CACNB2: variants seen among roughly 807,000 people sequenced by gnomAD.
CACNB2 encodes calcium voltage-gated channel auxiliary subunit beta 2.
CACNB2 carries 42 observed loss-of-function variants against 73.3 expected under a neutral mutation model. That is an observed-to-expected ratio of 0.57 (90% CI 0.45 to 0.74). CACNB2 has a LOEUF of 0.74. Among genes scored for constraint, CACNB2 ranks in the 30% least tolerant of loss-of-function variants. The pLI, the probability that CACNB2 is intolerant of heterozygous loss-of-function variation, is 0.00. For missense variants in CACNB2, 940 were observed against 853.0 expected (o/e 1.10, Z -1.27); for synonymous variants, 348 against 310.3 (o/e 1.12, Z -1.28).
At chr10:18,255,325 G>T (rs7923996) in intron 2 of CACNB2, among the ~76,000 whole-genome samples, 110,247 of 151,950 alleles carry the variant, frequency 0.73, 40,305 homozygotes, top group East Asian at 0.96. Context: ...TGCCTTTAGT[G>T]AACTCCTTCC....
intron 2 of CACNB2, among the ~76,000 whole-genome samples, chr10:18,295,073 A>G (rs1175798387): frequency 6.6e-6 from 1 of 152,194 alleles, no homozygotes; most frequent in Admixed American, 6.5e-5. Context: ...ACCGATATTG[A>G]GGCAGTTTTA....
intron 2 of CACNB2, among the ~76,000 whole-genome samples, chr10:18,365,913 A>T (rs115766391): frequency 3.9e-5 from 6 of 152,212 alleles, no homozygotes; most frequent in Non-Finnish European, 7.4e-5. Context: ...GAATCTGTCA[A>T]TTTGGCCTGT....
chr10:18,536,822 G>A (rs1351300004), intron 12 of CACNB2, among the ~76,000 whole-genome samples: 1 of 152,150 alleles, frequency 6.6e-6, no homozygotes, highest in African/African-American at 2.4e-5. Context: ...TTTGGAGTTG[G>A]TATATTATTC....
At chr10:18,261,009 A>G (rs2037511022) in intron 2 of CACNB2, 17 of 1,400,074 alleles carry the variant, frequency 1.2e-5, no homozygotes, top group Non-Finnish European at 1.6e-5. Context: ...ATTTTTGCAA[A>G]TAGGAAACCC....
At chr10:18,240,303 A>G (rs1387179145) in intron 2 of CACNB2, among the ~76,000 whole-genome samples, 4 of 152,168 alleles carry the variant, frequency 2.6e-5, no homozygotes, top group African/African-American at 9.7e-5. Flanking sequence ...TCAAATCGCT[A>G]AACATCTTTT....
At chr10:18,395,620 T>G (rs562390034) in intron 2 of CACNB2, among the ~76,000 whole-genome samples, 1 of 152,322 alleles carries the variant, frequency 6.6e-6, no homozygotes, top group African/African-American at 2.4e-5. Flanking sequence ...ATTTAATCTC[T>G]TCATTAGTAC....
chr10:18,373,706 A>T (rs535610119), intron 2 of CACNB2, among the ~76,000 whole-genome samples: 113 of 152,214 alleles, frequency 7.4e-4, no homozygotes, highest in African/African-American at 2.7e-3. Context: ...GTTCCTTCAG[A>T]TTTTTCATTA....
chr10:18,216,061 C>T (rs981384628), intron 2 of CACNB2, among the ~76,000 whole-genome samples: 2 of 151,702 alleles, frequency 1.3e-5, no homozygotes. Flanking sequence ...TTTGAGAGGC[C>T]GAGGCGGGTG....
rs140501194 is a variant in CACNB2 at position 18,502,792 on chromosome 10, A to G, written c.593+1844A>G. Reference sequence around the variant, plus strand: ...ATACACCAGGAAGGGAACATAAGACACTGGGGACTACTTGAGGGTGGAGGA... The same window carrying G: ...ATACACCAGGAAGGGAACATAAGACGCTGGGGACTACTTGAGGGTGGAGGA... On this transcript the variant is annotated intron_variant, in intron 5 of 13. Transcript: ENST00000324631. Among the ~76,000 whole-genome samples, 1,394 of 150,974 alleles carry G rather than the reference A, an allele frequency of 9.2e-3. 15 individuals are homozygous for G. Among genetic ancestry groups the G allele is most frequent in the African/African-American group, 0.027 (1,124 of 41,126 alleles).
chr10:18,293,346 G>T (rs764687912), intron 2 of CACNB2, among the ~76,000 whole-genome samples: 1 of 152,142 alleles, frequency 6.6e-6, no homozygotes, highest in African/African-American at 2.4e-5. Context: ...CTCCTTATAC[G>T]GATGGGTCCA....
At chr10:18,287,044 A>ATAGGCCAGG (rs1343162196) in intron 2 of CACNB2, among the ~76,000 whole-genome samples, 10 of 152,164 alleles carry the variant, frequency 6.6e-5, no homozygotes, top group Non-Finnish European at 4.4e-5. Flanking sequence ...AAATCAAGCC[A>ATAGGCCAGG]TAGGCCAGGT....
At chr10:18,327,292 A>T (rs2040623502) in intron 2 of CACNB2, among the ~76,000 whole-genome samples, 1 of 152,236 alleles carries the variant, frequency 6.6e-6, no homozygotes, top group African/African-American at 2.4e-5. Flanking sequence ...TTATATTTTC[A>T]TAATAAAAAT....
At chr10:18,501,643 T>A (rs896860563) in intron 5 of CACNB2, among the ~76,000 whole-genome samples, 36 of 152,248 alleles carry the variant, frequency 2.4e-4, no homozygotes, top group Admixed American at 2.4e-3. Context: ...AGCATGCCTC[T>A]CCCAATGTGA....
At chr10:18,180,186 C>G (rs1268458731) in intron 2 of CACNB2, among the ~76,000 whole-genome samples, 1 of 152,116 alleles carries the variant, frequency 6.6e-6, no homozygotes, top group Non-Finnish European at 1.5e-5. Context: ...GAGGAATGAT[C>G]TTATATTTTG....
At chr10:18,440,643 A>G (rs1285136605) in intron 3 of CACNB2, among the ~76,000 whole-genome samples, 1 of 150,546 alleles carries the variant, frequency 6.6e-6, no homozygotes, top group African/African-American at 2.4e-5. Context: ...CCTATCCCCC[A>G]CCCCCCAGAG....
chr10:18,398,692 T>TACAC (rs200052800), intron 2 of CACNB2, among the ~76,000 whole-genome samples: 7 of 57,068 alleles, frequency 1.2e-4, no homozygotes, highest in Admixed American at 4.5e-4. Context: ...CACACACACA[T>TACAC]ACACACACAC....
intron 2 of CACNB2, among the ~76,000 whole-genome samples, chr10:18,267,332 G>A (rs1303286157): frequency 6.6e-6 from 1 of 152,172 alleles, no homozygotes; most frequent in Non-Finnish European, 1.5e-5. Flanking sequence ...GGGGCTGGGT[G>A]TGGTGGCTCG....
At chr10:18,327,502 G>A (rs1259225386) in intron 2 of CACNB2, among the ~76,000 whole-genome samples, 1 of 152,126 alleles carries the variant, frequency 6.6e-6, no homozygotes, top group African/African-American at 2.4e-5. Flanking sequence ...TCGGCTCACT[G>A]CAACCTCCAC....
At chr10:18,217,392 G>T (rs2035555346) in intron 2 of CACNB2, among the ~76,000 whole-genome samples, 1 of 152,112 alleles carries the variant, frequency 6.6e-6, no homozygotes, top group African/African-American at 2.4e-5. Context: ...GCTGAGGCAG[G>T]AGAATCACTT....
Sources: allele counts gnomAD v4.1 joint callset (sites outside exome capture counted in the v4.1 genomes callset), GRCh38; gene constraint gnomAD v4.1.1; transcripts MANE v1.5; gene names NCBI Gene and HGNC (gene_info 2026-07-23, HGNC 2026-07-21).